CAMK2A: variants seen among roughly 807,000 people sequenced by gnomAD.
The protein encoded by CAMK2A is calcium/calmodulin dependent protein kinase II alpha.
In CAMK2A, 7 loss-of-function variants were observed where a neutral mutation model predicts 79.2. The observed-to-expected ratio is 0.09, with a 90% CI of 0.05 to 0.17. The LOEUF is 0.17. Among genes scored for constraint, CAMK2A ranks in the 10% least tolerant of loss-of-function variants. CAMK2A has a pLI of 1.00. For synonymous variants in CAMK2A, 242 were observed against 251.7 expected, an observed-to-expected ratio of 0.96 and a Z score of 0.36; for missense variants, 214 against 646.4, an observed-to-expected ratio of 0.33 and a Z score of 7.25.
chr5:150,250,942 G>A, intron 9 of CAMK2A, 132 bp from the exon 10 acceptor site: 3 of 1,034,004 alleles, frequency 2.9e-6, no homozygotes, highest in Non-Finnish European at 4.3e-6. Flanking sequence ...ACCAGGAGGA[G>A]TTGGGGCTCC....
intron 2 of CAMK2A, 110 bp from the exon 3 acceptor site, chr5:150,265,125 G>T: frequency 1.2e-6 from 1 of 813,652 alleles, no homozygotes; most frequent in Non-Finnish European, 2.1e-6. Flanking sequence ...AGCCCCTGGG[G>T]GCTGGGAAAG....
chr5:150,289,015 C>T (rs13355500), intron 1 of CAMK2A, among the ~76,000 whole-genome samples: 11,512 of 152,174 alleles, frequency 0.076, 1,381 homozygotes, highest in African/African-American at 0.26. Flanking sequence ...ACTGTACTGA[C>T]GCCCTCACTC....
intron 3 of CAMK2A, 52 bp from the exon 4 acceptor site, chr5:150,257,669 C>T: frequency 7.1e-7 from 1 of 1,408,258 alleles, no homozygotes; most frequent in Non-Finnish European, 9.8e-7. Flanking sequence ...GCTGCACAGG[C>T]CCGCCCTCCC....
chr5:150,231,407 TAATAATA>T (rs1294748809), intron 15 of CAMK2A, 27 bp from the exon 16 acceptor site: 5 of 22,970 alleles, frequency 2.2e-4, no homozygotes. Flanking sequence ...GACACAGAAA[TAATAATA>T]ATAATAATAA....
intron 2 of CAMK2A, among the ~76,000 whole-genome samples, chr5:150,272,795 A>C (rs1038312536): frequency 6.6e-6 from 1 of 151,890 alleles, no homozygotes; most frequent in Non-Finnish European, 1.5e-5. Flanking sequence ...AGAGTAGGGA[A>C]AGGAGGGCCC....
chr5:150,257,428 T>C, intron 4 of CAMK2A, 135 bp downstream of exon 4: 1 of 724,194 alleles, frequency 1.4e-6, no homozygotes, highest in Non-Finnish European at 2.5e-6. Context: ...CTTGCACTGC[T>C]TGGGTGGCAG....
intron 16 of CAMK2A, 93 bp downstream of exon 16, chr5:150,231,212 G>A (rs1754823106): frequency 1.7e-6 from 1 of 583,570 alleles, no homozygotes; most frequent in Admixed American, 2.8e-5. Flanking sequence ...GTGAGTGGAT[G>A]AGGATCGGAG....
chr5:150,259,861 C>T lies in CAMK2A; in HGVS notation c.218-2244G>A, dbSNP rs1580932331. ...GCAGACGCCTGGAGTCCCAGCTGCT[C>T]GGGAGGCTGAGGCAGGAGAATTGCT... On this transcript the variant is annotated intron_variant, in intron 3 of 18. Coordinates refer to ENST00000671881, the MANE Select transcript of CAMK2A (RefSeq NM_015981.4). 8.6e-5 allele frequency among the ~76,000 whole-genome samples: 13 copies of T among 151,788 alleles called. 1 individual carries two copies. Among genetic ancestry groups the T allele is most frequent in the African/African-American group, 3.1e-4 (13 of 41,334 alleles).
intron 1 of CAMK2A, among the ~76,000 whole-genome samples, chr5:150,280,670 C>G (rs1175859176): frequency 3.3e-5 from 5 of 152,120 alleles, no homozygotes; most frequent in Non-Finnish European, 7.4e-5. Flanking sequence ...GCAGTCCCCG[C>G]TGGAGCCTAA....
chr5:150,266,238 G>A (rs1302590229), intron 2 of CAMK2A, among the ~76,000 whole-genome samples: 1 of 152,160 alleles, frequency 6.6e-6, no homozygotes, highest in African/African-American at 2.4e-5. Context: ...TGATTCTCCA[G>A]CTGCTGGGAA....
chr5:150,253,756 A>T (rs1174044211), intron 6 of CAMK2A, among the ~76,000 whole-genome samples: 1 of 152,138 alleles, frequency 6.6e-6, no homozygotes, highest in East Asian at 1.9e-4. Context: ...CATCCGCTAC[A>T]ACAGAAAGGC....
At position 150,242,895 on chromosome 5, in the gene CAMK2A, G is replaced by C. The variant is rs113979634; in HGVS notation, c.984+2266C>G. ...AGGACTTCTTCTGTCCTCCATCCAAGGGAGTGAAGGAGGATGAGCTACAAA... is the reference window on the plus strand; with the variant it reads ...AGGACTTCTTCTGTCCTCCATCCAACGGAGTGAAGGAGGATGAGCTACAAA... On this transcript the variant is annotated intron_variant, in intron 13 of 18. Coordinates refer to ENST00000671881, the MANE Select transcript of CAMK2A (RefSeq NM_015981.4). Among the ~76,000 whole-genome samples, 533 of 152,296 alleles carry C rather than the reference G, an allele frequency of 3.5e-3. 2 individuals carry two copies. The highest frequency in any genetic ancestry group is 3.5e-3 in the Non-Finnish European group (239 of 68,022).
At chr5:150,227,417 G>T (rs533476397) in intron 17 of CAMK2A, among the ~76,000 whole-genome samples, 1 of 152,302 alleles carries the variant, frequency 6.6e-6, no homozygotes, top group East Asian at 1.9e-4. Flanking sequence ...TCACTGTGTA[G>T]CCTCAGTGGT....
chr5:150,262,600 C>T (rs771245413), intron 3 of CAMK2A, among the ~76,000 whole-genome samples: 6 of 152,060 alleles, frequency 3.9e-5, no homozygotes, highest in South Asian at 2.1e-4. Context: ...GGTGGGTCTA[C>T]GATGCACCTG....
chr5:150,246,886 C>T lies in CAMK2A; in HGVS notation c.943+886G>A, dbSNP rs925160584. Among the ~76,000 whole-genome samples the T allele has an allele frequency of 5.3e-5, 8 of 152,354 alleles. No individual in the cohort carries two copies. In the East Asian group the frequency reaches 1.5e-3, roughly 29 times the overall value. ...GGTGCTGGCCACAAATCTGCAGCAG[C>T]TTTCTCGGCTGGCCCCAGCCCCAGT... is the stretch of plus-strand genomic sequence containing the variant. On this transcript the variant is annotated intron_variant, in intron 12 of 18. Coordinates refer to ENST00000671881, the MANE Select transcript of CAMK2A (RefSeq NM_015981.4).
In CAMK2A at chr5:150,273,080, T is replaced by G; in HGVS notation, c.142A>C (p.Lys48Gln). The G allele has an allele frequency of 1.9e-6, 3 of 1,613,054 alleles. No individual in the cohort carries two copies. Among genetic ancestry groups the G allele is most frequent in the Non-Finnish European group, 2.5e-6 (3 of 1,179,682 alleles). ...EYAAKIINTK[K>Q]LSARDHQKLE... The stretch of plus-strand genomic sequence containing the variant: ...AGGCACCTACCTCTGGCTGACAGCT[T>G]CTTTGTGTTGATGATCTTGGCAGCA... The change falls in exon 2 of 19, where the codon AAG becomes CAG. Residue 48 changes from lysine (K) to glutamine (Q), a missense_variant. Lys to Gln is a moderately conservative substitution (Grantham distance 53). Transcript: ENST00000671881.
At chr5:150,276,985 T>C (rs1214348193) in intron 1 of CAMK2A, among the ~76,000 whole-genome samples, 5 of 152,130 alleles carry the variant, frequency 3.3e-5, no homozygotes, top group African/African-American at 1.2e-4. Context: ...ATCCCAGCAC[T>C]TTGGGAGGCC....
intron 2 of CAMK2A, among the ~76,000 whole-genome samples, chr5:150,270,578 C>T (rs971105698): frequency 3.3e-5 from 5 of 152,078 alleles, no homozygotes; most frequent in Admixed American, 3.3e-4. Context: ...GCCAAATATT[C>T]AGCATTAACC....
At chr5:150,268,800 T>A (rs1385574185) in intron 2 of CAMK2A, among the ~76,000 whole-genome samples, 2 of 152,200 alleles carry the variant, frequency 1.3e-5, no homozygotes, top group Non-Finnish European at 2.9e-5. Context: ...ACTCTCATTG[T>A]CCAGGTTGGA....
Sources: allele counts gnomAD v4.1 joint callset (sites outside exome capture counted in the v4.1 genomes callset), GRCh38; gene constraint gnomAD v4.1.1; transcripts MANE v1.5; gene names NCBI Gene and HGNC (gene_info 2026-07-23, HGNC 2026-07-21).